The following CTNND2 variants were observed in gnomAD, a reference collection of about 807,000 sequenced individuals.
The protein encoded by CTNND2 is catenin delta-2.
Under a neutral mutation model 144.4 loss-of-function variants are expected in CTNND2, and 22 were observed. That is an observed-to-expected ratio of 0.15 (90% CI 0.11 to 0.22). The LOEUF (loss-of-function observed/expected upper bound fraction) is 0.22, where lower values mean the gene tolerates loss of function less well. Ranked by LOEUF, CTNND2 falls within the 10% of genes least tolerant of loss-of-function variation. The probability of loss-of-function intolerance (pLI) is 1.00; values close to 1 mark genes in which losing one functional copy is unlikely to be tolerated. For synonymous variants in CTNND2, 751 were observed against 695.6 expected, an observed-to-expected ratio of 1.08 and a Z score of -1.25; for missense variants, 1,353 against 1,618.8, an observed-to-expected ratio of 0.84 and a Z score of 2.82.
chr5:11,767,864 T>C (rs1581849971), intron 1 of CTNND2, among the ~76,000 whole-genome samples: 1 of 152,302 alleles, frequency 6.6e-6, no homozygotes, highest in East Asian at 1.9e-4. Context: ...ATTTGGATAA[T>C]ATCTGTCAAA....
intron 9 of CTNND2, among the ~76,000 whole-genome samples, chr5:11,312,818 G>A (rs1751132968): frequency 6.6e-6 from 1 of 152,148 alleles, no homozygotes; most frequent in Non-Finnish European, 1.5e-5. Context: ...TGGACAACTT[G>A]TCCTTTTCAC....
chr5:11,164,811 C>T (rs1017110607), intron 11 of CTNND2, among the ~76,000 whole-genome samples: 10 of 152,190 alleles, frequency 6.6e-5, no homozygotes, highest in African/African-American at 2.2e-4. Context: ...TATTTAATTT[C>T]AGCAGAAACC....
chr5:11,737,229 A>C (rs1660391188), intron 1 of CTNND2, among the ~76,000 whole-genome samples: 1 of 152,164 alleles, frequency 6.6e-6, no homozygotes, highest in Admixed American at 6.5e-5. Flanking sequence ...AACCACACGG[A>C]TCTCCATTAT....
chr5:11,411,585 T>A lies in CTNND2; in HGVS notation c.390A>T (p.Ser130=). Reference sequence around the variant, plus strand: ...GGTCAAGTATTCCTGATTCCTGTAGTGACCTAATACAGGAGTCCACCAGCT... The same window carrying A: ...GGTCAAGTATTCCTGATTCCTGTAGAGACCTAATACAGGAGTCCACCAGCT... ...GLELVDSCIR[S]LQESGILDPQ... Residue 130 remains serine, a synonymous_variant, in exon 5 of 22, where the codon TCA becomes TCT. Transcript: ENST00000304623. 1 of 1,612,790 alleles carries A rather than the reference T, an allele frequency of 6.2e-7. No individual in the cohort carries two copies. Among genetic ancestry groups the A allele is most frequent in the Non-Finnish European group, 8.5e-7 (1 of 1,178,986 alleles).
chr5:11,349,758 T>G (rs552233647), intron 8 of CTNND2, among the ~76,000 whole-genome samples: 2 of 152,280 alleles, frequency 1.3e-5, no homozygotes, highest in East Asian at 3.9e-4. Context: ...TTACACTATT[T>G]CTCTACTAAA....
chr5:11,573,511 G>A (rs1420237142), intron 2 of CTNND2, among the ~76,000 whole-genome samples: 1 of 152,120 alleles, frequency 6.6e-6, no homozygotes, highest in Non-Finnish European at 1.5e-5. Flanking sequence ...GGTAATAATT[G>A]GAAGCCTACA....
At chr5:11,051,026 T>C (rs1219345973) in intron 16 of CTNND2, among the ~76,000 whole-genome samples, 3 of 152,212 alleles carry the variant, frequency 2.0e-5, no homozygotes, top group Non-Finnish European at 4.4e-5. Flanking sequence ...CCCCTTGCTA[T>C]AGGAAGCTCA....
chr5:11,539,266 C>T (rs1253990949), intron 3 of CTNND2, among the ~76,000 whole-genome samples: 4 of 152,168 alleles, frequency 2.6e-5, no homozygotes, highest in African/African-American at 7.2e-5. Flanking sequence ...ACCTCCACAT[C>T]TGAATTCCGG....
intron 5 of CTNND2, among the ~76,000 whole-genome samples, chr5:11,409,383 C>A (rs958844303): frequency 1.3e-5 from 2 of 151,976 alleles, no homozygotes; most frequent in Admixed American, 6.6e-5. Flanking sequence ...CATATACTAT[C>A]ATGCAATAAA....
chr5:11,610,659 G>C (rs1780272775), intron 2 of CTNND2, among the ~76,000 whole-genome samples: 1 of 152,148 alleles, frequency 6.6e-6, no homozygotes, highest in Admixed American at 6.5e-5. Context: ...AATGTTGCCT[G>C]AACGGATCAT....
chr5:11,545,700 A>C (rs771596029), intron 3 of CTNND2, among the ~76,000 whole-genome samples: 1 of 151,672 alleles, frequency 6.6e-6, no homozygotes, highest in Non-Finnish European at 1.5e-5. Flanking sequence ...AACATAAAGA[A>C]AAAGAAAAGC....
At chr5:11,644,360 G>C (rs1782231255) in intron 2 of CTNND2, among the ~76,000 whole-genome samples, 1 of 152,170 alleles carries the variant, frequency 6.6e-6, no homozygotes, top group Non-Finnish European at 1.5e-5. Context: ...ACTACTATAA[G>C]AGTTAAGTCC....
At chr5:11,714,215 C>G (rs534239854) in intron 2 of CTNND2, among the ~76,000 whole-genome samples, 2 of 152,270 alleles carry the variant, frequency 1.3e-5, no homozygotes, top group Middle Eastern at 3.4e-3. Context: ...AAGGGAAACC[C>G]TATCAGAAAC....
intron 2 of CTNND2, among the ~76,000 whole-genome samples, chr5:11,658,736 T>C (rs1384598496): frequency 6.6e-6 from 1 of 152,148 alleles, no homozygotes; most frequent in Non-Finnish European, 1.5e-5. Context: ...AAGTGACAAA[T>C]TAGTGAATTA....
intron 9 of CTNND2, among the ~76,000 whole-genome samples, chr5:11,330,313 T>TAAAA (rs1390011646): frequency 4.5e-5 from 2 of 44,502 alleles, no homozygotes; most frequent in African/African-American, 2.8e-4. Flanking sequence ...CTACTAAAAA[T>TAAAA]ACAAAAAAAA....
At chr5:11,550,560 A>C (rs1775665194) in intron 3 of CTNND2, among the ~76,000 whole-genome samples, 2 of 152,204 alleles carry the variant, frequency 1.3e-5, no homozygotes, top group Non-Finnish European at 2.9e-5. Context: ...ATAAGTGCAT[A>C]AGACAAAGGA....
At chr5:11,573,540 C>A (rs999505174) in intron 2 of CTNND2, among the ~76,000 whole-genome samples, 1 of 152,136 alleles carries the variant, frequency 6.6e-6, no homozygotes, top group Admixed American at 6.5e-5. Flanking sequence ...TCCAACAAAT[C>A]TGGACAGAAC....
At chr5:11,371,668 T>G (rs1757489410) in intron 7 of CTNND2, among the ~76,000 whole-genome samples, 1 of 152,356 alleles carries the variant, frequency 6.6e-6, no homozygotes. Flanking sequence ...AATATTTTCC[T>G]ATGTATTCTG....
intron 7 of CTNND2, among the ~76,000 whole-genome samples, chr5:11,365,245 T>C (rs961270397): frequency 3.3e-5 from 5 of 152,204 alleles, no homozygotes; most frequent in African/African-American, 1.2e-4. Context: ...TATTAGCCCA[T>C]AGCCCTTGCA....
Sources: gnomAD v4.1 joint callset for allele counts (sites outside exome capture counted in the v4.1 genomes callset) on GRCh38, gnomAD v4.1.1 for gene constraint, MANE v1.5 for transcripts, NCBI Gene and HGNC (gene_info 2026-07-23, HGNC 2026-07-21) for gene names.